Variants in FAM20B observed in about 807,000 individuals in gnomAD.
The protein encoded by FAM20B is glycosaminoglycan xylosylkinase.
A neutral mutation model predicts 43.8 loss-of-function variants in FAM20B; 23 were observed. The observed-to-expected ratio is 0.53, with a 90% CI of 0.38 to 0.74. FAM20B has a LOEUF of 0.74. Among genes scored for constraint, FAM20B ranks in the 30% least tolerant of loss-of-function variants. FAM20B has a pLI of 0.00. For synonymous variants in FAM20B, 178 were observed against 192.4 expected (o/e 0.93, Z 0.62); for missense variants, 440 against 510.5 (o/e 0.86, Z 1.33).
chr1:179,049,909 AT>A (rs1572545546), intron 2 of FAM20B, among the ~76,000 whole-genome samples: 1 of 152,226 alleles, frequency 6.6e-6, no homozygotes, highest in East Asian at 1.9e-4. Context: ...TTTAGTAGAC[AT>A]TTATTAAGCA....
chr1:179,066,209 G>A (rs189940216), intron 6 of FAM20B, among the ~76,000 whole-genome samples: 8 of 152,276 alleles, frequency 5.3e-5, no homozygotes, highest in Non-Finnish European at 5.9e-5. Context: ...AAGGTTGACA[G>A]TTTTCCAGAA....
intron 1 of FAM20B, chr1:179,035,551 C>T (rs557844171): frequency 1.9e-5 from 12 of 648,566 alleles, no homozygotes; most frequent in African/African-American, 1.6e-4. Context: ...TTCTTAATGG[C>T]CTTGTCCTTA....
intron 2 of FAM20B, 148 bp from the exon 3 acceptor site, chr1:179,050,131 C>T (rs901896926): frequency 1.1e-5 from 6 of 562,672 alleles, no homozygotes; most frequent in Non-Finnish European, 1.9e-5. Context: ...ACCGGCAATT[C>T]ATGCTAATCC....
intron 1 of FAM20B, among the ~76,000 whole-genome samples, chr1:179,042,634 G>A (rs567408820): frequency 6.6e-6 from 1 of 152,300 alleles, no homozygotes; most frequent in Admixed American, 6.5e-5. Flanking sequence ...GGTGGGTTCT[G>A]AGTTCTTGTC....
chr1:179,067,278 T>A (rs1016994386), intron 7 of FAM20B, among the ~76,000 whole-genome samples: 1 of 152,196 alleles, frequency 6.6e-6, no homozygotes, highest in Non-Finnish European at 1.5e-5. Flanking sequence ...AGTTTGAAAT[T>A]GTCTAAACCA....
chr1:179,076,289 A>G lies in FAM20B; in HGVS notation c.*4145A>G, dbSNP rs1652125465. On this transcript the variant is annotated 3_prime_UTR_variant, in exon 8 of 8. Transcript: ENST00000263733. ...GGTAGGGGCTAGGTACTGGACTACC[A>G]CAGGTTTTTAGGAACTAAGGTGTTT... 1 of 152,188 alleles carries G rather than the reference A, an allele frequency of 6.6e-6. No homozygotes were observed. Among genetic ancestry groups the G allele is most frequent in the Non-Finnish European group, 1.5e-5 (1 of 68,020 alleles). The allele number at this position is 152,188 out of a possible 1,614,324, so 9.4% of individuals were successfully genotyped here. A position where few individuals can be genotyped will look rare whatever the true frequency, so the allele number is the denominator to read the frequency against.
Position 179,064,369 on chromosome 1 carries a change from C to T in FAM20B, c.811C>T (p.Arg271Cys), listed in dbSNP as rs772062570. The change falls in exon 6 of 8, where the codon CGC becomes TGC. Residue 271 changes from arginine (R) to cysteine (C), a missense_variant. Physicochemically the swap from Arg to Cys is radical, Grantham distance 180 (BLOSUM62 -3). Coordinates refer to ENST00000263733, the MANE Select transcript of FAM20B (RefSeq NM_014864.4). ...AACGTCCCCTTATGACTCTGGCCCG[C>T]GCCTCTTGGACATCATTGACACAGC... ...KKTSPYDSGP[R>C]LLDIIDTAVF... 1.7e-5 allele frequency: 28 copies of T among 1,614,052 alleles called. No homozygotes were observed. Among genetic ancestry groups the T allele is most frequent in the East Asian group, 2.2e-5 (1 of 44,884 alleles).
At chr1:179,019,589 A>C in the FAM20B span, among the ~76,000 whole-genome samples, 3 of 151,740 alleles carry the variant, frequency 2.0e-5, no homozygotes, top group Non-Finnish European at 4.4e-5. Context: ...CAGCCTCCCG[A>C]GTACCTGGGA....
intron 4 of FAM20B, among the ~76,000 whole-genome samples, chr1:179,058,944 A>C (rs1434585041): frequency 6.6e-6 from 1 of 152,174 alleles, no homozygotes; most frequent in Non-Finnish European, 1.5e-5. Context: ...GGAGCTGTTA[A>C]CTATTTTAGG....
In FAM20B at chr1:179,054,693, G is replaced by C. The variant is rs116034023; in HGVS notation, c.574+55G>C. On this transcript the variant is annotated intron_variant, in intron 4 of 7. Transcript: ENST00000263733. ...GGGGAATGATTAATAAGTTAAAATGGGGCATTGTTGAGCAAGCTGGCTCAT... is the reference window on the plus strand; with the variant it reads ...GGGGAATGATTAATAAGTTAAAATGCGGCATTGTTGAGCAAGCTGGCTCAT... 625 of 1,122,780 alleles carry C rather than the reference G, an allele frequency of 5.6e-4. 5 individuals carry two copies. The African/African-American group carries it at 8.8e-3, about 16-fold the overall frequency. 69.6% of individuals were successfully genotyped at this position (1,122,780 alleles called of 1,614,324 possible). A position where few individuals can be genotyped will look rare whatever the true frequency, so the allele number is the denominator to read the frequency against.
At chr1:179,050,597 C>T (rs758844881) in intron 3 of FAM20B, among the ~76,000 whole-genome samples, 1 of 152,116 alleles carries the variant, frequency 6.6e-6, no homozygotes, top group Non-Finnish European at 1.5e-5. Context: ...TCATTTCTGG[C>T]CTGCTCTGTT....
intron 2 of FAM20B, among the ~76,000 whole-genome samples, chr1:179,049,460 A>G (rs1296596212): frequency 1.3e-5 from 2 of 152,236 alleles, no homozygotes; most frequent in Non-Finnish European, 2.9e-5. Context: ...CTTCCCATTA[A>G]CAAAGATTGA....
At chr1:179,038,691 C>A (rs755192094) in intron 1 of FAM20B, among the ~76,000 whole-genome samples, 2 of 152,348 alleles carry the variant, frequency 1.3e-5, no homozygotes, top group African/African-American at 2.4e-5. Flanking sequence ...TCTCTGAAAT[C>A]TTCTCTGCTA....
chr1:179,033,565 C>T (rs1484527705), intron 1 of FAM20B, among the ~76,000 whole-genome samples: 1 of 152,082 alleles, frequency 6.6e-6, no homozygotes, highest in Non-Finnish European at 1.5e-5. Context: ...ATGTCTTCTC[C>T]CCTGGTATTT....
In FAM20B at chr1:179,042,959, C is replaced by T. The variant is rs1038556647; in HGVS notation, c.-133-756C>T. Among the ~76,000 whole-genome samples, 41 of 152,174 alleles carry T rather than the reference C, an allele frequency of 2.7e-4. 1 individual carries two copies. The highest frequency in any genetic ancestry group is 1.6e-3 in the Admixed American group (25 of 15,288). ...CACCATAAGTTCTCACTGTGGTTTGCGGACTCTTAACCAGAACCGACAGCC... is the reference window on the plus strand; with the variant it reads ...CACCATAAGTTCTCACTGTGGTTTGTGGACTCTTAACCAGAACCGACAGCC... On this transcript the variant is annotated intron_variant, in intron 1 of 7. Transcript: ENST00000263733.
intron 1 of FAM20B, among the ~76,000 whole-genome samples, chr1:179,041,404 G>A (rs1039530605): frequency 6.6e-6 from 1 of 152,042 alleles, no homozygotes; most frequent in African/African-American, 2.4e-5. Context: ...CTGCAATCCC[G>A]GCACGTCTGG....
In FAM20B at chr1:179,073,779, A is replaced by T. The variant is rs1191885545; in HGVS notation, c.*1635A>T. 1 of 152,222 alleles carries T rather than the reference A, an allele frequency of 6.6e-6. No homozygotes were observed. The highest frequency in any genetic ancestry group is 2.4e-5 in the African/African-American group (1 of 41,438). The allele number at this position is 152,222 out of a possible 1,614,324, so 9.4% of individuals were successfully genotyped here. On this transcript the variant is annotated 3_prime_UTR_variant, in exon 8 of 8. Transcript: ENST00000263733. The stretch of plus-strand genomic sequence containing the variant: ...GCTTCTTTCTCCTCTTAGCACTCTC[A>T]AATTTCAGGTTTGTAAAACACAGTT...
At chr1:179,047,770 A>G (rs989547840) in intron 2 of FAM20B, among the ~76,000 whole-genome samples, 1 of 152,240 alleles carries the variant, frequency 6.6e-6, no homozygotes, top group African/African-American at 2.4e-5. Context: ...GAGGCTATTT[A>G]TTTAGTCCTG....
intron 1 of FAM20B, among the ~76,000 whole-genome samples, chr1:179,040,575 CCGGGCAGAGGGG>C: frequency 8.3e-6 from 1 of 120,854 alleles, no homozygotes. Context: ...GGGCAGCTGG[CCGGGCAGAGGGG>C]CTCCTCACTT....
Sources: allele counts gnomAD v4.1 joint callset (sites outside exome capture counted in the v4.1 genomes callset), GRCh38; gene constraint gnomAD v4.1.1; transcripts MANE v1.5; gene names NCBI Gene and HGNC (gene_info 2026-07-23, HGNC 2026-07-21).